Variants in HHAT observed in about 807,000 individuals in gnomAD.
HHAT encodes the protein protein-cysteine N-palmitoyltransferase HHAT.
A neutral mutation model predicts 70.8 loss-of-function variants in HHAT; 47 were observed. That is an observed-to-expected ratio of 0.66 (90% CI 0.53 to 0.85). The LOEUF (loss-of-function observed/expected upper bound fraction) is 0.85, where lower values mean the gene tolerates loss of function less well. Ranked by LOEUF, HHAT falls within the 40% of genes least tolerant of loss-of-function variation. The pLI, the probability that HHAT is intolerant of heterozygous loss-of-function variation, is 0.00. For synonymous variants in HHAT, 228 were observed against 247.6 expected (o/e 0.92, Z 0.74); for missense variants, 609 against 604.8 (o/e 1.01, Z -0.07).
chr1:210,400,153 A>C (rs888344095), intron 4 of HHAT, among the ~76,000 whole-genome samples: 3 of 152,060 alleles, frequency 2.0e-5, no homozygotes, highest in Non-Finnish European at 4.4e-5. Context: ...TCTGTTGAAA[A>C]GTCAATCCAA....
At chr1:210,572,292 C>T (rs1656491211) in intron 9 of HHAT, among the ~76,000 whole-genome samples, 1 of 152,194 alleles carries the variant, frequency 6.6e-6, no homozygotes, top group African/African-American at 2.4e-5. Context: ...GCAGCCTCCT[C>T]ATTACCACCA....
intron 2 of HHAT, among the ~76,000 whole-genome samples, chr1:210,359,806 G>T (rs2088058291): frequency 6.6e-6 from 1 of 152,030 alleles, no homozygotes; most frequent in South Asian, 2.1e-4. Flanking sequence ...GGTGGAGGTT[G>T]TAGTGAGCCA....
chr1:210,517,681 G>A (rs1315755722), intron 9 of HHAT, among the ~76,000 whole-genome samples: 2 of 152,104 alleles, frequency 1.3e-5, no homozygotes, highest in Non-Finnish European at 2.9e-5. Context: ...TGCTAAGACA[G>A]GAGATTTTAG....
At chr1:210,446,867 G>C (rs4845032) in intron 7 of HHAT, among the ~76,000 whole-genome samples, 35,498 of 152,140 alleles carry the variant, frequency 0.23, 4,486 homozygotes, top group Admixed American at 0.36. Flanking sequence ...TCATTGCCAT[G>C]TGAAATTTTC....
rs1247395681 is a variant in HHAT at position 210,515,737 on chromosome 1, G to A, written c.1043+2549G>A. Among the ~76,000 whole-genome samples, 11 of 126,938 alleles carry A rather than the reference G, an allele frequency of 8.7e-5. No individual in the cohort carries two copies. In the East Asian group the frequency reaches 2.1e-3, roughly 25 times the overall value. The allele number at this position is 126,938 out of a possible 152,430, so 83.3% of individuals were successfully genotyped here. A position where few individuals can be genotyped will look rare whatever the true frequency, so the allele number is the denominator to read the frequency against. On this transcript the variant is annotated intron_variant, in intron 9 of 11. Transcript: ENST00000261458. ...TGCGCCACTGCACTCCAGCCTGGGC[G>A]ATACAGCGAGACTCCGTCTCAAAAA...
At chr1:210,410,801 C>T (rs1244558620) in intron 6 of HHAT, among the ~76,000 whole-genome samples, 2 of 152,128 alleles carry the variant, frequency 1.3e-5, no homozygotes, top group Admixed American at 1.3e-4. Context: ...GCTGGGATTA[C>T]ACGCATGAGC....
At chr1:210,334,689 A>ATTTTTATTTTTT (rs1318035472) in intron 1 of HHAT, among the ~76,000 whole-genome samples, 3 of 148,858 alleles carry the variant, frequency 2.0e-5, no homozygotes, top group Non-Finnish European at 4.5e-5. Context: ...TTTTATTTTT[A>ATTTTTATTTTTT]TTTTTATTTT....
chr1:210,403,976 C>A, intron 5 of HHAT, among the ~76,000 whole-genome samples: 1 of 147,754 alleles, frequency 6.8e-6, no homozygotes, highest in Middle Eastern at 3.4e-3. Context: ...GCTTATTAGA[C>A]AAATGCTACT....
intron 6 of HHAT, among the ~76,000 whole-genome samples, chr1:210,410,057 A>AT (rs111584710): frequency 0.15 from 21,330 of 145,652 alleles, 1,507 homozygotes; most frequent in East Asian, 0.17. Flanking sequence ...CAAATTTTGG[A>AT]TTTTTTTTTT....
chr1:210,349,342 C>T (rs17016002), intron 2 of HHAT, among the ~76,000 whole-genome samples: 18,420 of 152,110 alleles, frequency 0.12, 1,560 homozygotes, highest in East Asian at 0.27. Flanking sequence ...GATTTGCGTT[C>T]AGAATTCAAA....
chr1:210,422,784 C>A (rs904149014), intron 7 of HHAT, among the ~76,000 whole-genome samples: 9 of 152,052 alleles, frequency 5.9e-5, no homozygotes, highest in Admixed American at 5.2e-4. Flanking sequence ...TTACAGGTGC[C>A]CACCACCACA....
At chr1:210,669,213 T>C (rs768834690) in intron 11 of HHAT, among the ~76,000 whole-genome samples, 1 of 152,224 alleles carries the variant, frequency 6.6e-6, no homozygotes, top group Non-Finnish European at 1.5e-5. Context: ...AACCGCAGGC[T>C]TTCCATTCCT....
intron 7 of HHAT, among the ~76,000 whole-genome samples, chr1:210,462,169 T>A (rs1171614846): frequency 6.6e-6 from 1 of 152,256 alleles, no homozygotes; most frequent in East Asian, 1.9e-4. Context: ...GCAACCCATT[T>A]TTCCTGATTT....
At chr1:210,519,677 C>T (rs1354392359) in intron 9 of HHAT, among the ~76,000 whole-genome samples, 2 of 131,456 alleles carry the variant, frequency 1.5e-5, no homozygotes, top group African/African-American at 2.6e-5. Context: ...CAGGCATATA[C>T]CACCATGCCC....
intron 8 of HHAT, among the ~76,000 whole-genome samples, chr1:210,491,068 T>A (rs75515922): frequency 1.4e-3 from 109 of 75,790 alleles, no homozygotes; most frequent in Middle Eastern, 0.016. Flanking sequence ...ACACATAGTG[T>A]GTGTGTGTGT....
At chr1:210,328,893 A>G (rs1388508815), upstream of HHAT, 3 of 680,788 alleles carry the variant, frequency 4.4e-6, no homozygotes, top group Admixed American at 4.4e-5. Context: ...CCGGGCGCGG[A>G]GGGCGCGCGG....
At chr1:210,663,523 T>C (rs1678226403) in intron 11 of HHAT, among the ~76,000 whole-genome samples, 1 of 152,208 alleles carries the variant, frequency 6.6e-6, no homozygotes, top group Admixed American at 6.5e-5. Context: ...CCGTATCTAC[T>C]AAATGGGGCT....
intron 7 of HHAT, among the ~76,000 whole-genome samples, chr1:210,431,872 T>C (rs2093254148): frequency 6.6e-6 from 1 of 151,812 alleles, no homozygotes; most frequent in Non-Finnish European, 1.5e-5. Context: ...GTGTTTCAAA[T>C]TGGAAAATTT....
rs566139729 is a variant in HHAT, at chr1:210,436,149, T to C, written c.856+17824T>C. On this transcript the variant is annotated intron_variant, in intron 7 of 11. Coordinates refer to ENST00000261458, the MANE Select transcript of HHAT (RefSeq NM_018194.6). ...ATTAATTTTTGTATATGGTGAGAGATAGAGGTCTAATTTGGTTCTTCTGCA... is the reference window on the plus strand; with the variant it reads ...ATTAATTTTTGTATATGGTGAGAGACAGAGGTCTAATTTGGTTCTTCTGCA... Among the ~76,000 whole-genome samples the C allele has an allele frequency of 1.3e-4, 20 of 151,934 alleles. 2 individuals are homozygous for C. The South Asian group carries it at 4.1e-3, about 32-fold the overall frequency.
Sources: gnomAD v4.1 joint callset for allele counts (sites outside exome capture counted in the v4.1 genomes callset) on GRCh38, gnomAD v4.1.1 for gene constraint, MANE v1.5 for transcripts, NCBI Gene and HGNC (gene_info 2026-07-23, HGNC 2026-07-21) for gene names.